The following TK2 variants were observed in gnomAD, a reference collection of about 807,000 sequenced individuals.
TK2 encodes the protein thymidine kinase 2, mitochondrial.
A neutral mutation model predicts 41.9 loss-of-function variants in TK2; 35 were observed. The observed-to-expected ratio is 0.84, with a 90% CI of 0.64 to 1.11. The LOEUF is 1.11. TK2 is among the 50% of genes least tolerant of loss of function. The pLI is 0.00. For missense variants in TK2, 320 were observed against 351.1 expected, an observed-to-expected ratio of 0.91 and a Z score of 0.71; for synonymous variants, 128 against 129.1, an observed-to-expected ratio of 0.99 and a Z score of 0.06.
intron 4 of TK2, 71 bp downstream of exon 4, chr16:66,536,893 A>G: frequency 6.3e-7 from 1 of 1,575,950 alleles, no homozygotes; most frequent in Non-Finnish European, 8.7e-7. Flanking sequence ...GGCAGGGCTC[A>G]GGCAGAGGCA....
rs374777494 is a variant in TK2 at position 66,517,858 on chromosome 16, C to A, written c.469G>T (p.Asp157Tyr). 19 of 1,614,048 alleles carry A rather than the reference C, an allele frequency of 1.2e-5. No individual in the cohort carries two copies. Among genetic ancestry groups the A allele is most frequent in the Non-Finnish European group, 1.6e-5 (19 of 1,180,016 alleles). The stretch of plus-strand genomic sequence containing the variant: ...AACCATTCCGACAGAACTACATAGT[C>A]CACTTCTGGCATCTTCCCACTGCAA... ...LYRSGKMPEVDYVVLSEWFDW... is the reference protein window; with the variant it reads ...LYRSGKMPEVYYVVLSEWFDW... Residue 157 changes from aspartate (D) to tyrosine (Y), a missense_variant, in exon 7 of 10, where the codon GAC becomes TAC. Asp to Tyr is a radical substitution (Grantham distance 160). Transcript: ENST00000544898. The surrounding 1 kb of genome is among the most constrained non-coding windows in gnomAD (Gnocchi z 4.3).
chr16:66,532,476 G>A (rs548957866), intron 4 of TK2, among the ~76,000 whole-genome samples: 87 of 152,016 alleles, frequency 5.7e-4, no homozygotes, highest in Middle Eastern at 3.4e-3. Flanking sequence ...GTGGTGGCAC[G>A]CACCTGTGGT....
intron 9 of TK2, 139 bp from the exon 10 acceptor site, chr16:66,512,205 G>A (rs926792595): frequency 7.7e-6 from 6 of 777,976 alleles, no homozygotes; most frequent in African/African-American, 6.8e-5. Context: ...AAAAAGGAAG[G>A]TTAGAGCCAA....
intron 2 of TK2, among the ~76,000 whole-genome samples, chr16:66,547,394 C>A (rs1035173328): frequency 6.6e-6 from 1 of 152,184 alleles, no homozygotes; most frequent in African/African-American, 2.4e-5. Flanking sequence ...CCTTCAGTGA[C>A]TCTGGGTTTT....
Position 66,511,896 on chromosome 16 carries a change from C to A in TK2, c.*72G>T. ...AAAGCCCTCCTGGGAGCAAGTTTTT[C>A]CAGATTGCTCCCAATAGCTAACTTG... On this transcript the variant is annotated 3_prime_UTR_variant, in exon 10 of 10. Transcript: ENST00000544898. The A allele has an allele frequency of 7.0e-7, 1 of 1,421,022 alleles. No individual in the cohort carries two copies. The highest frequency in any genetic ancestry group is 9.9e-7 in the Non-Finnish European group (1 of 1,006,292). The allele number at this position is 1,421,022 out of a possible 1,614,324, so 88.0% of individuals were successfully genotyped here.
intron 2 of TK2, among the ~76,000 whole-genome samples, chr16:66,547,416 T>C (rs529029339): frequency 6.6e-6 from 1 of 152,232 alleles, no homozygotes. Context: ...GGACCTATTC[T>C]CAGTCCCTCT....
intron 1 of TK2, 86 bp downstream of exon 1, chr16:66,549,852 G>C: frequency 1.6e-6 from 2 of 1,285,214 alleles, no homozygotes; most frequent in Non-Finnish European, 9.8e-7. Flanking sequence ...AGGCGCTTCG[G>C]GCTCGGGCGG....
chr16:66,530,171 C>A (rs532562816), intron 5 of TK2, among the ~76,000 whole-genome samples: 1 of 152,338 alleles, frequency 6.6e-6, no homozygotes, highest in South Asian at 2.1e-4. Context: ...ACGGCCCACT[C>A]ACATCTTTCA....
At chr16:66,536,613 G>C (rs925749002) in intron 4 of TK2, among the ~76,000 whole-genome samples, 2 of 152,150 alleles carry the variant, frequency 1.3e-5, no homozygotes, top group South Asian at 2.1e-4. Context: ...TAGGTCCTGG[G>C]GGGGTTAGGC....
intron 2 of TK2, among the ~76,000 whole-genome samples, chr16:66,545,719 G>A (rs1320299376): frequency 1.3e-5 from 2 of 152,128 alleles, no homozygotes; most frequent in Non-Finnish European, 2.9e-5. Flanking sequence ...AGCTACTTGG[G>A]AGGCTGAGGC....
Position 66,517,797 on chromosome 16 carries a change from T to C in TK2, c.530A>G (p.Asp177Gly). The C allele has an allele frequency of 6.2e-7, 1 of 1,613,980 alleles. No individual in the cohort carries two copies. The highest frequency in any genetic ancestry group is 8.5e-7 in the Non-Finnish European group (1 of 1,179,950). ...WILRNMDVSV[D>G]LIVYLRTNPE... ...GGAGGGGTGCATCTCACCTATCAAA[T>C]CAACAGACACGTCCATGTTCCTCAA... is the stretch of plus-strand genomic sequence containing the variant. The change falls in exon 7 of 10, where the codon GAT becomes GGT. Residue 177 changes from aspartate to glycine, a missense_variant. By Grantham distance (94) the Asp-to-Gly change is moderately conservative (BLOSUM62 -1). Transcript: ENST00000544898. The surrounding 1 kb of genome is among the most constrained non-coding windows in gnomAD (Gnocchi z 4.3).
chr16:66,544,429 A>G (rs1409455083), intron 2 of TK2, among the ~76,000 whole-genome samples: 1 of 152,210 alleles, frequency 6.6e-6, no homozygotes, highest in Non-Finnish European at 1.5e-5. Context: ...TTCATGCCAA[A>G]TATTATTTTC....
chr16:66,514,342 A>G lies in TK2; in HGVS notation c.619-531T>C, dbSNP rs1297542415. Among the ~76,000 whole-genome samples the G allele has an allele frequency of 2.6e-5, 4 of 152,220 alleles. No homozygotes were observed. Among genetic ancestry groups the G allele is most frequent in the Non-Finnish European group, 5.9e-5 (4 of 68,034 alleles). On this transcript the variant is annotated intron_variant, in intron 8 of 9. Transcript: ENST00000544898. This position sits in a 1 kb window ranked among gnomAD's most constrained non-coding sequence, Gnocchi z 4.2. ...CGCTGTGTTGGCCGGGCTGGTCTCC[A>G]GCTCCTAACCGCGAGTGATCCGCCA... is the stretch of plus-strand genomic sequence containing the variant.
chr16:66,545,094 C>CAAAAA (rs56368554), intron 2 of TK2, among the ~76,000 whole-genome samples: 1 of 75,690 alleles, frequency 1.3e-5, no homozygotes, highest in African/African-American at 4.0e-5. Context: ...ACCCTGTCTT[C>CAAAAA]AAAAAAAAAA....
Position 66,510,573 on chromosome 16 carries a change from T to A in TK2, c.*1395A>T, listed in dbSNP as rs973503143. 3.9e-5 allele frequency: 6 copies of A among 152,262 alleles called. No homozygotes were observed. The highest frequency in any genetic ancestry group is 1.4e-4 in the African/African-American group (6 of 41,458). The allele number at this position is 152,262 out of a possible 1,614,324, so 9.4% of individuals were successfully genotyped here. Reference sequence around the variant, plus strand: ...AGAGTCGGAGCATTGCATGCACAGGTGCCCACACTCACAGGGGCCTGGGAG... The same window carrying A: ...AGAGTCGGAGCATTGCATGCACAGGAGCCCACACTCACAGGGGCCTGGGAG... On this transcript the variant is annotated 3_prime_UTR_variant, in exon 10 of 10. Coordinates refer to ENST00000544898, the MANE Select transcript of TK2 (RefSeq NM_004614.5).
In TK2 at chr16:66,541,765, G is replaced by A. The variant is rs1965463269; in HGVS notation, c.231+114C>T. 4.7e-6 allele frequency: 5 copies of A among 1,074,448 alleles called. No individual in the cohort carries two copies. In the South Asian group the frequency reaches 6.4e-5, roughly 14 times the overall value. The allele number at this position is 1,074,448 out of a possible 1,614,324, so 66.6% of individuals were successfully genotyped here. A position where few individuals can be genotyped will look rare whatever the true frequency, so the allele number is the denominator to read the frequency against. ...TTAGAAATGTTAAATTACACCTGTG[G>A]CTTGCACTTGTGGCTCAAATTATAG... is the stretch of plus-strand genomic sequence containing the variant. On this transcript the variant is annotated intron_variant, in intron 3 of 9. Coordinates refer to ENST00000544898, the MANE Select transcript of TK2 (RefSeq NM_004614.5).
At chr16:66,541,390 G>A (rs1013424820) in intron 3 of TK2, among the ~76,000 whole-genome samples, 45 of 152,184 alleles carry the variant, frequency 3.0e-4, no homozygotes, top group Admixed American at 6.5e-4. Flanking sequence ...TTTGGCATAT[G>A]TTATGTGAAA....
chr16:66,523,468 T>G (rs190626447), intron 6 of TK2, among the ~76,000 whole-genome samples: 18 of 152,342 alleles, frequency 1.2e-4, no homozygotes, highest in Non-Finnish European at 1.8e-4. Context: ...GTCAGTTCTA[T>G]GCTACATTTT....
intron 5 of TK2, among the ~76,000 whole-genome samples, 161 bp from the exon 6 acceptor site, chr16:66,529,228 GGGA>G (rs1965032839): frequency 6.6e-6 from 1 of 152,162 alleles, no homozygotes; most frequent in East Asian, 1.9e-4. Flanking sequence ...CTCCCCTGCC[GGGA>G]GGAGAAGCCA....
Sources: gnomAD v4.1 joint callset for allele counts (sites outside exome capture counted in the v4.1 genomes callset) on GRCh38, gnomAD v4.1.1 for gene constraint, Gnocchi (gnomAD v3.1) non-coding constraint, MANE v1.5 for transcripts, NCBI Gene and HGNC (gene_info 2026-07-23, HGNC 2026-07-21) for gene names.